The following VPS37A variants were observed in gnomAD, a reference collection of about 807,000 sequenced individuals.
VPS37A encodes the protein vacuolar protein sorting-associated protein 37A.
A neutral mutation model predicts 49.8 loss-of-function variants in VPS37A; 30 were observed. The ratio of observed to expected loss-of-function variants is 0.60; its 90% CI spans 0.45 to 0.82. VPS37A has a LOEUF of 0.82. Among genes scored for constraint, VPS37A ranks in the 40% least tolerant of loss-of-function variants. The pLI, the probability that VPS37A is intolerant of heterozygous loss-of-function variation, is 0.00. For missense variants in VPS37A, 593 were observed against 464.4 expected (o/e 1.28, Z -2.55); for synonymous variants, 195 against 160.6 (o/e 1.21, Z -1.62).
intron 1 of VPS37A, among the ~76,000 whole-genome samples, chr8:17,260,365 T>C (rs756208573): frequency 7.2e-5 from 11 of 152,296 alleles, no homozygotes; most frequent in Non-Finnish European, 1.0e-4. Context: ...CCCCAACATT[T>C]TGACTTTTAA....
At chr8:17,306,389 T>G (rs1188546767), downstream of VPS37A, among the ~76,000 whole-genome samples, 1 of 150,708 alleles carries the variant, frequency 6.6e-6, no homozygotes, top group Non-Finnish European at 1.5e-5. Context: ...AAAGACAACT[T>G]GAAAAAAAAA....
chr8:17,273,092 A>G (rs1026036442), intron 4 of VPS37A, among the ~76,000 whole-genome samples: 11 of 103,934 alleles, frequency 1.1e-4, no homozygotes, highest in African/African-American at 3.7e-4. Flanking sequence ...AAAGTTTTTC[A>G]TGTTAGTACT....
At chr8:17,319,097 C>T in the VPS37A span, among the ~76,000 whole-genome samples, 1 of 152,176 alleles carries the variant, frequency 6.6e-6, no homozygotes, top group Non-Finnish European at 1.5e-5. Context: ...AACCATACGT[C>T]TGAGTAATAA....
chr8:17,321,800 G>A, the VPS37A span, among the ~76,000 whole-genome samples: 5 of 152,166 alleles, frequency 3.3e-5, no homozygotes, highest in Non-Finnish European at 7.3e-5. Flanking sequence ...CCCAGGTCTA[G>A]TGATATTTGT....
downstream of VPS37A, chr8:17,301,872 T>C (rs1817141092): frequency 4.8e-6 from 2 of 420,014 alleles, no homozygotes; most frequent in Non-Finnish European, 8.4e-6. Context: ...AAATTAATTT[T>C]ACTACTCTCA....
At chr8:17,260,868 G>C (rs905022649) in intron 1 of VPS37A, among the ~76,000 whole-genome samples, 2 of 151,992 alleles carry the variant, frequency 1.3e-5, no homozygotes, top group African/African-American at 4.8e-5. Context: ...TTTTTATGTT[G>C]TTTCTTTCCT....
Position 17,268,889 on chromosome 8 carries a change from C to G in VPS37A, c.349C>G (p.Gln117Glu). Residue 117 changes from glutamine to glutamate, a missense_variant, in exon 4 of 12, where the codon CAG becomes GAG. By Grantham distance (29) the Gln-to-Glu change is conservative. Transcript: ENST00000324849. ...TMHSDLGKII[Q>E]SLLDEFWKNP... ...GCACTCAGATCTTGGAAAAATTATT[C>G]AGAGTCTGTTGGATGAGTTTTGGAA... 6.2e-7 allele frequency: 1 copy of G among 1,610,014 alleles called. No homozygotes were observed. Among genetic ancestry groups the G allele is most frequent in the Non-Finnish European group, 8.5e-7 (1 of 1,179,186 alleles).
chr8:17,319,687 T>C, the VPS37A span, among the ~76,000 whole-genome samples: 1 of 152,200 alleles, frequency 6.6e-6, no homozygotes, highest in Non-Finnish European at 1.5e-5. Flanking sequence ...TTCTTGATTG[T>C]GGAAACCAAT....
intron 4 of VPS37A, 51 bp from the exon 5 acceptor site, chr8:17,274,682 C>T: frequency 5.5e-6 from 8 of 1,444,616 alleles, no homozygotes; most frequent in Non-Finnish European, 7.7e-6. Context: ...AACAATTTGA[C>T]ATGTTTTATC....
chr8:17,248,570 C>T (rs1420447273), intron 1 of VPS37A, among the ~76,000 whole-genome samples: 1 of 152,156 alleles, frequency 6.6e-6, no homozygotes, highest in Non-Finnish European at 1.5e-5. Context: ...GCCACCTCGC[C>T]GGGCTCCTAG....
chr8:17,303,735 G>A (rs7816975), downstream of VPS37A, among the ~76,000 whole-genome samples: 35,797 of 151,590 alleles, frequency 0.24, 6,273 homozygotes, highest in East Asian at 0.6. Flanking sequence ...TCAGCCTCCC[G>A]AGTAGCTAGG....
chr8:17,310,457 T>C, the VPS37A span, among the ~76,000 whole-genome samples: 1 of 152,150 alleles, frequency 6.6e-6, no homozygotes, highest in Non-Finnish European at 1.5e-5. Context: ...GTAAGTTTAA[T>C]GGGGCACAAT....
intron 4 of VPS37A, among the ~76,000 whole-genome samples, chr8:17,274,385 A>G (rs1814299733): frequency 6.6e-6 from 1 of 152,206 alleles, no homozygotes; most frequent in Non-Finnish European, 1.5e-5. Flanking sequence ...ATTGCTCTGC[A>G]TTCCCTCTAT....
intron 6 of VPS37A, 129 bp from the exon 7 acceptor site, chr8:17,279,899 C>T (rs764512792): frequency 9.0e-7 from 1 of 1,113,086 alleles, no homozygotes; most frequent in African/African-American, 1.5e-5. Context: ...AAACTGGCAG[C>T]CTTAGGTGTA....
At chr8:17,321,425 G>T in the VPS37A span, among the ~76,000 whole-genome samples, 88 of 152,206 alleles carry the variant, frequency 5.8e-4, no homozygotes, top group Non-Finnish European at 8.5e-4. Context: ...TTAACATTGC[G>T]TGTGCTAAGT....
At chr8:17,316,181 C>T in the VPS37A span, among the ~76,000 whole-genome samples, 1 of 152,090 alleles carries the variant, frequency 6.6e-6, no homozygotes, top group African/African-American at 2.4e-5. Flanking sequence ...GTTTCCTCAA[C>T]TGTAAAATGG....
At chr8:17,265,279 T>C (rs1208799096) in intron 1 of VPS37A, among the ~76,000 whole-genome samples, 3 of 152,192 alleles carry the variant, frequency 2.0e-5, no homozygotes. Context: ...CTTTAAGATA[T>C]TTTCCTACAA....
the VPS37A span, among the ~76,000 whole-genome samples, chr8:17,330,196 C>G: frequency 1.8e-4 from 28 of 152,350 alleles, no homozygotes; most frequent in African/African-American, 6.5e-4. Flanking sequence ...CGAAGAACGG[C>G]TTAAGTAACT....
intron 11 of VPS37A, among the ~76,000 whole-genome samples, chr8:17,289,542 C>G (rs1219208649): frequency 1.3e-5 from 2 of 152,176 alleles, no homozygotes; most frequent in South Asian, 4.2e-4. Context: ...GGCCTCTGTT[C>G]TGTTCCATTG....
Sources: allele counts gnomAD v4.1 joint callset (sites outside exome capture counted in the v4.1 genomes callset), GRCh38; gene constraint gnomAD v4.1.1; transcripts MANE v1.5; gene names NCBI Gene and HGNC (gene_info 2026-07-23, HGNC 2026-07-21).